CEP128: variants seen among roughly 807,000 people sequenced by gnomAD.
The protein encoded by CEP128 is centrosomal protein 128, also known as centrosomal protein 128kDa.
Under a neutral mutation model 156.7 loss-of-function variants are expected in CEP128, and 132 were observed. The ratio of observed to expected loss-of-function variants is 0.84; its 90% confidence interval spans 0.73 to 0.97. The LOEUF (loss-of-function observed/expected upper bound fraction) is 0.97. CEP128 is among the 50% of genes least tolerant of loss of function. The pLI is 0.00. For missense variants in CEP128, 1,252 were observed against 1,281.9 expected (o/e 0.98, Z 0.36); for synonymous variants, 469 against 448.9 (o/e 1.04, Z -0.57).
At chr14:80,674,869 C>T (rs190915895) in intron 19 of CEP128, among the ~76,000 whole-genome samples, 3 of 152,174 alleles carry the variant, frequency 2.0e-5, no homozygotes, top group African/African-American at 7.2e-5. Context: ...ATACATCTTG[C>T]TCCAATGCAT....
intron 2 of CEP128, among the ~76,000 whole-genome samples, chr14:80,918,268 T>C (rs1884669424): frequency 6.6e-6 from 1 of 152,254 alleles, no homozygotes; most frequent in South Asian, 2.1e-4. Flanking sequence ...GTTCACCTTT[T>C]AAACTTCAGA....
chr14:80,771,465 C>T (rs1259482381), intron 16 of CEP128, among the ~76,000 whole-genome samples: 1 of 152,120 alleles, frequency 6.6e-6, no homozygotes, highest in Non-Finnish European at 1.5e-5. Flanking sequence ...TTTTAAAGAT[C>T]CATATGTTGT....
At chr14:80,768,725 G>A (rs893456972) in intron 16 of CEP128, among the ~76,000 whole-genome samples, 5 of 152,114 alleles carry the variant, frequency 3.3e-5, no homozygotes, top group Non-Finnish European at 7.4e-5. Flanking sequence ...GTCTTAGGCA[G>A]GCTTACAAAA....
chr14:80,699,844 T>C, intron 19 of CEP128, among the ~76,000 whole-genome samples: 1 of 152,160 alleles, frequency 6.6e-6, no homozygotes, highest in East Asian at 1.9e-4. Context: ...CTAACTCTAC[T>C]TGAAGGCCTA....
chr14:80,559,399 TTAA>T lies in CEP128; in HGVS notation c.2857-100_2857-98del, dbSNP rs1890575439. On this transcript the variant is annotated intron_variant, in intron 20 of 24. Coordinates refer to ENST00000555265, the MANE Select transcript of CEP128 (RefSeq NM_152446.5). ...CAAGTATTCTATTTACCATCTATTA[TTAA>T]TAATTCATTTTAAAAATGTAAAAAA... 8.5e-6 allele frequency: 8 copies of T among 936,688 alleles called. No individual in the cohort carries two copies. In the Admixed American group the frequency reaches 1.1e-4, roughly 13 times the overall value. The allele number at this position is 936,688 out of a possible 1,614,324, so 58.0% of individuals were successfully genotyped here.
chr14:80,855,747 G>C (rs1887120065), intron 9 of CEP128, among the ~76,000 whole-genome samples: 1 of 152,136 alleles, frequency 6.6e-6, no homozygotes, highest in Non-Finnish European at 1.5e-5. Flanking sequence ...GCAGGAAAAG[G>C]GGTTAATGAA....
At chr14:80,938,271 G>A (rs1885940505) in intron 2 of CEP128, among the ~76,000 whole-genome samples, 2 of 124,868 alleles carry the variant, frequency 1.6e-5, no homozygotes, top group African/African-American at 6.1e-5. Flanking sequence ...TTTTGAGACA[G>A]AGTCTTGCTC....
Position 80,647,065 on chromosome 14 carries a change from A to G in CEP128, c.2807-66642T>C, listed in dbSNP as rs867944157. ...TATATATATATATATATATATATAT[A>G]TATATATATATATATATATATACAC... On this transcript the variant is annotated intron_variant, in intron 19 of 24. Coordinates refer to ENST00000555265, the MANE Select transcript of CEP128 (RefSeq NM_152446.5). Among the ~76,000 whole-genome samples, 168 of 74,016 alleles carry G rather than the reference A, an allele frequency of 2.3e-3. 5 individuals carry two copies. The highest frequency in any genetic ancestry group is 4.2e-3 in the African/African-American group (91 of 21,906). 48.6% of individuals were successfully genotyped at this position (74,016 alleles called of 152,430 possible).
chr14:80,647,919 C>T (rs1161221650), intron 19 of CEP128, among the ~76,000 whole-genome samples: 1 of 152,048 alleles, frequency 6.6e-6, no homozygotes, highest in East Asian at 1.9e-4. Context: ...TTCTTAGACC[C>T]TATAAATAAG....
At chr14:80,490,164 G>A (rs8021228), downstream of CEP128, among the ~76,000 whole-genome samples, 72,157 of 151,234 alleles carry the variant, frequency 0.48, 18,365 homozygotes, top group East Asian at 0.68. Flanking sequence ...AATCATATGT[G>A]GCTATCAGTT....
intron 19 of CEP128, among the ~76,000 whole-genome samples, chr14:80,688,906 C>G (rs1420667867): frequency 6.6e-6 from 1 of 152,054 alleles, no homozygotes; most frequent in Non-Finnish European, 1.5e-5. Flanking sequence ...CTTTTGGGGG[C>G]AGACATTAAA....
At chr14:80,680,620 G>A (rs1023244138) in intron 19 of CEP128, among the ~76,000 whole-genome samples, 1 of 152,066 alleles carries the variant, frequency 6.6e-6, no homozygotes, top group Non-Finnish European at 1.5e-5. Context: ...CAGAAATTGT[G>A]GTATAGTAGG....
At chr14:80,786,582 T>G (rs1354290352) in intron 14 of CEP128, among the ~76,000 whole-genome samples, 1 of 152,126 alleles carries the variant, frequency 6.6e-6, no homozygotes, top group Admixed American at 6.5e-5. Context: ...CAAAAGGAGA[T>G]GAATAAGCAG....
At chr14:80,755,346 G>A (rs575316940) in intron 18 of CEP128, among the ~76,000 whole-genome samples, 1 of 152,198 alleles carries the variant, frequency 6.6e-6, no homozygotes, top group East Asian at 1.9e-4. Flanking sequence ...TATTCCATTA[G>A]TTCTGTCCCA....
At chr14:80,648,029 C>T (rs1174761417) in intron 19 of CEP128, among the ~76,000 whole-genome samples, 1 of 152,024 alleles carries the variant, frequency 6.6e-6, no homozygotes, top group Non-Finnish European at 1.5e-5. Context: ...TTAAAATAAG[C>T]ACATTGTCAT....
chr14:80,799,913 T>C (rs565247618), intron 13 of CEP128, among the ~76,000 whole-genome samples: 1 of 152,288 alleles, frequency 6.6e-6, no homozygotes, highest in East Asian at 1.9e-4. Flanking sequence ...CCTGTGATCT[T>C]TGTTGGACCC....
In CEP128 at chr14:80,761,458, C is replaced by A. The variant is rs1235272146; in HGVS notation, c.2532G>T (p.Lys844Asn). ...TTACTTTTAATTTCTCCACTGAGTC[C>A]TTGGAGAATGTTTTACAAGCTGCAT... ...EIDAACKTFS[K>N]DSVEKLKVFS... is the part of the protein sequence containing the mutation. The change falls in exon 17 of 25, where the codon AAG becomes AAT. Residue 844 changes from lysine (K) to asparagine (N), a missense_variant. By Grantham distance (94) the Lys-to-Asn change is moderately conservative. Coordinates refer to ENST00000555265, the MANE Select transcript of CEP128 (RefSeq NM_152446.5). 1.2e-6 allele frequency: 2 copies of A among 1,608,174 alleles called. No homozygotes were observed. Among genetic ancestry groups the A allele is most frequent in the Non-Finnish European group, 8.5e-7 (1 of 1,176,244 alleles).
intron 21 of CEP128, among the ~76,000 whole-genome samples, chr14:80,556,568 A>C (rs1319742316): frequency 6.6e-6 from 1 of 152,208 alleles, no homozygotes; most frequent in East Asian, 1.9e-4. Context: ...ACCTAAGCAG[A>C]TAGATAATTG....
chr14:80,563,524 CTTTTTTTTTTTTT>C (rs540593415), intron 20 of CEP128, among the ~76,000 whole-genome samples: 1 of 78,872 alleles, frequency 1.3e-5, no homozygotes, highest in Non-Finnish European at 2.2e-5. Context: ...GCCTCCAAAT[CTTTTTTTTTTTTT>C]TTTTTTTTTT....
Sources: allele counts gnomAD v4.1 joint callset (sites outside exome capture counted in the v4.1 genomes callset), GRCh38; gene constraint gnomAD v4.1.1; transcripts MANE v1.5; gene names NCBI Gene and HGNC (gene_info 2026-07-23, HGNC 2026-07-21).